Variants in PPRC1 observed in about 807,000 individuals in gnomAD.
PPRC1 encodes the protein peroxisome proliferator-activated receptor gamma coactivator-related protein 1.
Under a neutral mutation model 132.5 loss-of-function variants are expected in PPRC1, and 23 were observed. The ratio of observed to expected loss-of-function variants is 0.17; its 90% confidence interval spans 0.12 to 0.25. PPRC1 has a LOEUF of 0.25. PPRC1 is among the 10% of genes least tolerant of loss of function. The pLI is 1.00. For missense variants in PPRC1, 2,006 were observed against 2,089.1 expected, an observed-to-expected ratio of 0.96 and a Z score of 0.78; for synonymous variants, 872 against 833.5, an observed-to-expected ratio of 1.05 and a Z score of -0.80.
At chr10:102,122,540 TTGGAGGAG>T in the PPRC1 span, among the ~76,000 whole-genome samples, 3 of 151,846 alleles carry the variant, frequency 2.0e-5, no homozygotes, top group South Asian at 4.2e-4. Flanking sequence ...TTGAGATGGT[TTGGAGGAG>T]GGGGAATACC....
At chr10:102,126,520 G>A in the PPRC1 span, among the ~76,000 whole-genome samples, 1 of 148,324 alleles carries the variant, frequency 6.7e-6, no homozygotes, top group Non-Finnish European at 1.5e-5. Context: ...GTGCGGTGGT[G>A]CGATCTCAGC....
Position 102,139,777 on chromosome 10 carries a change from C to A in PPRC1, c.1269C>A (p.Asp423Glu). The change falls in exon 5 of 14, where the codon GAC (aspartate) becomes GAA (glutamate). Residue 423 changes from aspartate (D) to glutamate (E), a missense_variant. Asp to Glu is a conservative substitution (Grantham distance 45). Coordinates refer to ENST00000278070, the MANE Select transcript of PPRC1 (RefSeq NM_015062.5). ...GLSLNSEEKLDSACLLKPREV... is the reference protein window; with the variant it reads ...GLSLNSEEKLESACLLKPREV... The stretch of plus-strand genomic sequence containing the variant: ...CATTGAACTCAGAGGAGAAGCTGGA[C>A]TCAGCCTGCTTATTGAAGCCCAGGG... 6.2e-7 allele frequency: 1 copy of A among 1,614,212 alleles called. No homozygotes were observed. Among genetic ancestry groups the A allele is most frequent in the Non-Finnish European group, 8.5e-7 (1 of 1,180,046 alleles).
At chr10:102,120,717 G>A in the PPRC1 span, among the ~76,000 whole-genome samples, 3 of 152,192 alleles carry the variant, frequency 2.0e-5, no homozygotes, top group Non-Finnish European at 2.9e-5. Flanking sequence ...AGGGCGAAGG[G>A]GAGGGCTTGG....
chr10:102,128,413 G>C (rs2068494830), upstream of PPRC1, among the ~76,000 whole-genome samples: 2 of 151,860 alleles, frequency 1.3e-5, no homozygotes, highest in Non-Finnish European at 2.9e-5. Context: ...CAAAGTGCTG[G>C]GATTACAGGC....
rs1398594474 is a variant in PPRC1, at chr10:102,140,454, T to C, written c.1946T>C (p.Ile649Thr). The C allele has an allele frequency of 4.3e-6, 7 of 1,613,988 alleles. No individual in the cohort carries two copies. Among genetic ancestry groups the C allele is most frequent in the Non-Finnish European group, 5.9e-6 (7 of 1,180,018 alleles). Reference protein sequence around the residue: ...SAAVDPAVVPISDNLPPVDAV... With the variant: ...SAAVDPAVVPTSDNLPPVDAV... ...GCAGTTGACCCTGCAGTGGTTCCCA[T>C]CTCAGATAACTTGCCACCAGTTGAT... The change falls in exon 5 of 14, where the codon ATC (isoleucine) becomes ACC (threonine). Residue 649 changes from isoleucine (I) to threonine (T), a missense_variant. Ile to Thr is a moderately conservative substitution (Grantham distance 89). Transcript: ENST00000278070.
In PPRC1 at chr10:102,146,798, C is replaced by A. The variant is rs377662333; in HGVS notation, c.3806C>A (p.Thr1269Lys). The change falls in exon 9 of 14, where the codon ACG becomes AAG. Residue 1269 changes from threonine to lysine, a missense_variant. This residue lies in a region of PPRC1 where 1,914 missense variants were observed against 1,917.2 expected (regional missense o/e 1.00). Coordinates refer to ENST00000278070, the MANE Select transcript of PPRC1 (RefSeq NM_015062.5). ...GGAACCCTGAAGCCTGAAGGAGTTA[C>A]GGAGGCCAAACATCCAGCTGCAGTT... ...QEGTLKPEGV[T>K]EAKHPAAVRL... is the part of the protein sequence containing the mutation. 1 of 1,614,058 alleles carries A rather than the reference C, an allele frequency of 6.2e-7. No individual in the cohort carries two copies. Among genetic ancestry groups the A allele is most frequent in the East Asian group, 2.2e-5 (1 of 44,872 alleles).
chr10:102,125,748 C>G, the PPRC1 span, among the ~76,000 whole-genome samples: 12 of 152,232 alleles, frequency 7.9e-5, no homozygotes, highest in African/African-American at 2.9e-4. Context: ...ACTCCTAGAA[C>G]CGCTCCCATC....
At chr10:102,134,207 C>T (rs976129793) in intron 1 of PPRC1, among the ~76,000 whole-genome samples, 4 of 152,014 alleles carry the variant, frequency 2.6e-5, no homozygotes, top group African/African-American at 9.7e-5. Flanking sequence ...ACTTTTTCCT[C>T]CAGCATCTCT....
chr10:102,142,607 G>A (rs534686811), intron 5 of PPRC1, among the ~76,000 whole-genome samples: 1 of 149,792 alleles, frequency 6.7e-6, no homozygotes, highest in Non-Finnish European at 1.5e-5. Context: ...GCAGAGATGA[G>A]GTTTCACCAT....
In PPRC1 at chr10:102,140,199, C is replaced by G. The variant is rs1363838190; in HGVS notation, c.1691C>G (p.Thr564Ser). Residue 564 changes from threonine (T) to serine (S), a missense_variant, in exon 5 of 14, where the codon ACT becomes AGT. By Grantham distance (58) the Thr-to-Ser change is moderately conservative. Transcript: ENST00000278070. ...GACCTCTACCCAAAGCTGGCTGACA[C>G]TATCCAAACCAATCCTATACCAACC... ...PLDLYPKLAD[T>S]IQTNPIPTHL... is the part of the protein sequence containing the mutation. 1 of 1,614,240 alleles carries G rather than the reference C, an allele frequency of 6.2e-7. No individual in the cohort carries two copies. The highest frequency in any genetic ancestry group is 1.1e-5 in the South Asian group (1 of 91,080).
At chr10:102,142,105 TGGA>T (rs2069010282) in intron 5 of PPRC1, 101 bp downstream of exon 5, 1 of 1,386,762 alleles carries the variant, frequency 7.2e-7, no homozygotes, top group Non-Finnish European at 9.7e-7. Flanking sequence ...TGGATTTCTT[TGGA>T]GGAGTTTTTT....
chr10:102,121,139 C>G, the PPRC1 span, among the ~76,000 whole-genome samples: 1 of 152,114 alleles, frequency 6.6e-6, no homozygotes, highest in Non-Finnish European at 1.5e-5. Flanking sequence ...CTGTGTTTTG[C>G]TGGGGGGAGG....
intron 6 of PPRC1, 136 bp downstream of exon 6, chr10:102,143,234 GAC>G (rs879422174): frequency 1.8e-4 from 140 of 758,442 alleles, no homozygotes; most frequent in Non-Finnish European, 2.9e-4. Flanking sequence ...GGAAGAGAGA[GAC>G]AAGATTGAAC....
Position 102,147,305 on chromosome 10 carries a change from G to T in PPRC1, c.4313G>T (p.Ser1438Ile). ...RSVSSGSNRT[S>I]EASSSSSSSS... ...GTCAGCTCTGGGTCCAACCGGACTA[G>T]CGAAGCATCTTCCTCATCCTCATCA... is the stretch of plus-strand genomic sequence containing the variant. The change falls in exon 9 of 14, where the codon AGC (serine) becomes ATC (isoleucine). Residue 1438 changes from serine to isoleucine, a missense_variant. Ser to Ile is a moderately radical substitution (Grantham distance 142). This residue lies in a region of PPRC1 where 1,914 missense variants were observed against 1,917.2 expected (regional missense o/e 1.00). Coordinates refer to ENST00000278070, the MANE Select transcript of PPRC1 (RefSeq NM_015062.5). 6.2e-7 allele frequency: 1 copy of T among 1,612,726 alleles called. No homozygotes were observed.
chr10:102,148,289 A>C lies in PPRC1; in HGVS notation c.4401-83A>C. 1 of 1,484,072 alleles carries C rather than the reference A, an allele frequency of 6.7e-7. No homozygotes were observed. The highest frequency in any genetic ancestry group is 9.1e-7 in the Non-Finnish European group (1 of 1,093,378). The allele number at this position is 1,484,072 out of a possible 1,614,324, so 91.9% of individuals were successfully genotyped here. A position where few individuals can be genotyped will look rare whatever the true frequency, so the allele number is the denominator to read the frequency against. On this transcript the variant is annotated intron_variant, in intron 9 of 13. Coordinates refer to ENST00000278070, the MANE Select transcript of PPRC1 (RefSeq NM_015062.5). The surrounding 1 kb of genome is among the most constrained non-coding windows in gnomAD (Gnocchi z 4.2). ...CTTTGGTCCTGAGCTTCCTAAAAGA[A>C]AGGCAGGACTGGGGCCTGGGTGAGA...
chr10:102,141,992 A>G lies in PPRC1; in HGVS notation c.3484A>G (p.Ile1162Val). The G allele has an allele frequency of 6.2e-7, 1 of 1,608,444 alleles. No individual in the cohort carries two copies. ...TTCTGAAGATGTGGTACAGGCTTTC[A>G]TCAGTGAGATTGGTGAGTGACACAC... ...QGSEDVVQAFISEIGIEASDL... is the reference protein window; with the variant it reads ...QGSEDVVQAFVSEIGIEASDL... The change falls in exon 5 of 14, where the codon ATC (isoleucine) becomes GTC (valine). Residue 1162 changes from isoleucine to valine, a missense_variant. Around this residue, in one of 2 missense-constraint regions of PPRC1, gnomAD observed 1,914 missense variants for 1,917.2 expected, o/e 1.00. Transcript: ENST00000278070.
At chr10:102,123,013 A>C in the PPRC1 span, among the ~76,000 whole-genome samples, 2 of 152,148 alleles carry the variant, frequency 1.3e-5, no homozygotes, top group Non-Finnish European at 2.9e-5. Context: ...CTACTAGTTA[A>C]TGCTTCCTTA....
chr10:102,149,830 C>A, intron 13 of PPRC1, 96 bp from the exon 14 acceptor site: 1 of 929,970 alleles, frequency 1.1e-6, no homozygotes, highest in Non-Finnish European at 1.8e-6. Context: ...AGTTTTCACT[C>A]CATCCGTTTT....
rs2069001713 is a variant in PPRC1 at position 102,141,927 on chromosome 10, T to C, written c.3419T>C (p.Leu1140Pro). Residue 1140 changes from leucine to proline, a missense_variant, in exon 5 of 14, where the codon CTA becomes CCA. Physicochemically the swap from Leu to Pro is moderately conservative, Grantham distance 98 (BLOSUM62 -3). Transcript: ENST00000278070. ...CTGCCTGCTGTCCACCCAGCCCGTC[T>C]AAGGAAGCTGTCCTTCCTGCCTACC... ...PKLPAVHPAR[L>P]RKLSFLPTPR... is the part of the protein sequence containing the mutation. The C allele has an allele frequency of 6.2e-7, 1 of 1,614,028 alleles. No individual in the cohort carries two copies. The highest frequency in any genetic ancestry group is 1.3e-5 in the African/African-American group (1 of 74,932).
Sources: allele counts gnomAD v4.1 joint callset (sites outside exome capture counted in the v4.1 genomes callset), GRCh38; gene constraint gnomAD v4.1.1; regional missense constraint gnomAD v4.1.1; non-coding constraint Gnocchi (gnomAD v3.1); transcripts MANE v1.5; gene names NCBI Gene and HGNC (gene_info 2026-07-23, HGNC 2026-07-21).